The following SRPK2 variants were observed in gnomAD, a reference collection of about 807,000 sequenced individuals.
The protein encoded by SRPK2 is SFRS protein kinase 2.
SRPK2 carries 21 observed loss-of-function variants against 90.8 expected under a neutral mutation model. The ratio of observed to expected loss-of-function variants is 0.23; its 90% CI spans 0.16 to 0.33. The LOEUF (loss-of-function observed/expected upper bound fraction) is 0.33. Ranked by LOEUF, SRPK2 falls within the 10% of genes least tolerant of loss-of-function variation. The pLI, the probability that SRPK2 is intolerant of heterozygous loss-of-function variation, is 1.00. For synonymous variants in SRPK2, 288 were observed against 311.1 expected (o/e 0.93, Z 0.78); for missense variants, 620 against 869.0 (o/e 0.71, Z 3.60).
At chr7:105,187,498 G>A (rs1325260552) in intron 3 of SRPK2, among the ~76,000 whole-genome samples, 2 of 151,786 alleles carry the variant, frequency 1.3e-5, no homozygotes, top group African/African-American at 4.9e-5. Flanking sequence ...CCCCACACAT[G>A]AGTCTCTAGA....
At position 105,336,167 on chromosome 7, in the gene SRPK2, T is replaced by C. The variant is rs566381739; in HGVS notation, c.71+52481A>G. On this transcript the variant is annotated intron_variant, in intron 2 of 15. Coordinates refer to ENST00000393651, the MANE Select transcript of SRPK2 (RefSeq NM_182692.3). Reference sequence around the variant, plus strand: ...TGCCACCTACTGGTTAAATTCATATTTGAATGGCATTTCACATCAAATATT... The same window carrying C: ...TGCCACCTACTGGTTAAATTCATATCTGAATGGCATTTCACATCAAATATT... 2.0e-5 allele frequency among the ~76,000 whole-genome samples: 3 copies of C among 152,310 alleles called. No homozygotes were observed. The East Asian group carries it at 5.8e-4, about 29-fold the overall frequency.
chr7:105,184,859 T>G (rs963114155), intron 3 of SRPK2, among the ~76,000 whole-genome samples: 4 of 152,216 alleles, frequency 2.6e-5, no homozygotes, highest in Middle Eastern at 3.2e-3. Context: ...TACCACTTTA[T>G]CTAGGCTGCA....
At position 105,177,791 on chromosome 7, in the gene SRPK2, G is replaced by A. The variant is rs59149859; in HGVS notation, c.230-8526C>T. On this transcript the variant is annotated intron_variant, in intron 3 of 15. Coordinates refer to ENST00000393651, the MANE Select transcript of SRPK2 (RefSeq NM_182692.3). The stretch of plus-strand genomic sequence containing the variant: ...TAATCCTAGCACTTTGGGAGGCCGA[G>A]ACGGGCGGATCACAAGATCAGGAGA... Among the ~76,000 whole-genome samples the A allele has an allele frequency of 3.3e-3, 499 of 152,252 alleles. 2 individuals are homozygous for A. The highest frequency in any genetic ancestry group is 0.011 in the African/African-American group (465 of 41,534).
chr7:105,313,606 C>A (rs963031570), intron 2 of SRPK2, among the ~76,000 whole-genome samples: 1 of 151,940 alleles, frequency 6.6e-6, no homozygotes, highest in Non-Finnish European at 1.5e-5. Flanking sequence ...AAAAAATTAG[C>A]CAGGTGTGGC....
At chr7:105,179,187 A>G (rs1193716510) in intron 3 of SRPK2, among the ~76,000 whole-genome samples, 1 of 152,196 alleles carries the variant, frequency 6.6e-6, no homozygotes, top group East Asian at 1.9e-4. Context: ...TACTTAACAG[A>G]TATTTATGCT....
At chr7:105,234,443 G>A (rs1401082036) in intron 2 of SRPK2, among the ~76,000 whole-genome samples, 1 of 152,030 alleles carries the variant, frequency 6.6e-6, no homozygotes, top group African/African-American at 2.4e-5. Flanking sequence ...GGATCTCTAC[G>A]ATGTGCTAAA....
Position 105,143,180 on chromosome 7 carries a change from G to A in SRPK2, c.964C>T (p.Pro322Ser), listed in dbSNP as rs755769488. The A allele has an allele frequency of 1.9e-6, 3 of 1,614,202 alleles. No homozygotes were observed. The highest frequency in any genetic ancestry group is 1.7e-6 in the Non-Finnish European group (2 of 1,180,036). Residue 322 changes from proline to serine, a missense_variant, in exon 10 of 16, where the codon CCT becomes TCT. By Grantham distance (74) the Pro-to-Ser change is moderately conservative. Around this residue, in one of 8 missense-constraint regions of SRPK2, gnomAD observed 243 missense variants for 245.7 expected, o/e 0.99. Transcript: ENST00000393651. ...TATTCGCCATCCTGGTCATTGGAAG[G>A]TGCAGCTGAGGTGATGTTTTCTTCT... ...IIEENITSAA[P>S]SNDQDGEYCP...
intron 3 of SRPK2, among the ~76,000 whole-genome samples, chr7:105,183,974 A>T (rs1313557934): frequency 5.3e-4 from 62 of 116,268 alleles, no homozygotes; most frequent in South Asian, 4.5e-3. Context: ...ACTATTACCA[A>T]TTTTTTTTTT....
At chr7:105,272,461 G>T (rs1805950484) in intron 2 of SRPK2, among the ~76,000 whole-genome samples, 1 of 151,864 alleles carries the variant, frequency 6.6e-6, no homozygotes, top group African/African-American at 2.4e-5. Flanking sequence ...TCATAATTTT[G>T]TTTCTTAACT....
intron 2 of SRPK2, among the ~76,000 whole-genome samples, chr7:105,238,101 C>T (rs1398937213): frequency 6.6e-6 from 1 of 152,178 alleles, no homozygotes. Context: ...AAGGCTGAAT[C>T]GTGCAGGGTA....
intron 2 of SRPK2, among the ~76,000 whole-genome samples, chr7:105,285,864 A>C (rs1808033883): frequency 6.6e-6 from 1 of 152,188 alleles, no homozygotes; most frequent in Non-Finnish European, 1.5e-5. Context: ...TTCTTTAAAA[A>C]TTACCCAGCC....
At chr7:105,342,763 A>C (rs1294117784) in intron 2 of SRPK2, among the ~76,000 whole-genome samples, 1 of 152,170 alleles carries the variant, frequency 6.6e-6, no homozygotes, top group Non-Finnish European at 1.5e-5. Context: ...ACACAGCCCC[A>C]CATACCCAAA....
intron 2 of SRPK2, among the ~76,000 whole-genome samples, chr7:105,359,150 CTTTTT>C (rs35765090): frequency 1.8e-5 from 1 of 54,796 alleles, no homozygotes; most frequent in Non-Finnish European, 3.1e-5. Context: ...CAAACCACAG[CTTTTT>C]TTTTTTTTTT....
At chr7:105,190,624 C>G (rs1238555779) in intron 3 of SRPK2, among the ~76,000 whole-genome samples, 1 of 152,102 alleles carries the variant, frequency 6.6e-6, no homozygotes, top group Non-Finnish European at 1.5e-5. Context: ...GTTTGGGGGT[C>G]CCAAAGACCA....
intron 2 of SRPK2, among the ~76,000 whole-genome samples, chr7:105,372,829 C>G (rs1439540040): frequency 1.3e-5 from 2 of 152,116 alleles, no homozygotes; most frequent in African/African-American, 4.8e-5. Flanking sequence ...TGGCTCACAC[C>G]TATAATCCCA....
At chr7:105,300,664 A>G (rs1489435841) in intron 2 of SRPK2, among the ~76,000 whole-genome samples, 4 of 152,218 alleles carry the variant, frequency 2.6e-5, no homozygotes, top group Admixed American at 6.5e-5. Flanking sequence ...AAACAAATAT[A>G]CAAGAAAAAA....
intron 2 of SRPK2, among the ~76,000 whole-genome samples, chr7:105,247,314 T>G (rs1801797457): frequency 1.3e-5 from 2 of 152,216 alleles, no homozygotes; most frequent in Admixed American, 6.5e-5. Flanking sequence ...CCTCACTTTT[T>G]CGTCTGTAAA....
At chr7:105,393,056 C>T (rs529839790), upstream of SRPK2, among the ~76,000 whole-genome samples, 8 of 150,824 alleles carry the variant, frequency 5.3e-5, no homozygotes, top group South Asian at 1.1e-3. Context: ...TGCAGTGGCG[C>T]GATCTTGGCC....
In SRPK2 at chr7:105,260,881, TG is replaced by T. The variant is rs564219223; in HGVS notation, c.72-57097del. Among the ~76,000 whole-genome samples the T allele has an allele frequency of 3.1e-4, 39 of 127,764 alleles. No homozygotes were observed. In the East Asian group the frequency reaches 9.9e-3, roughly 32 times the overall value. The allele number at this position is 127,764 out of a possible 152,430, so 83.8% of individuals were successfully genotyped here. On this transcript the variant is annotated intron_variant, in intron 2 of 15. Transcript: ENST00000393651. ...GGGAACATCACACACTGGAGCCTAT[TG>T]GGGGGTGGGGGACTGGGGGAGGGAC...
Sources: allele counts gnomAD v4.1 joint callset (sites outside exome capture counted in the v4.1 genomes callset), GRCh38; gene constraint gnomAD v4.1.1; regional missense constraint gnomAD v4.1.1; transcripts MANE v1.5; gene names NCBI Gene and HGNC (gene_info 2026-07-23, HGNC 2026-07-21).